The following P2RY6 variants were observed in gnomAD, a reference collection of about 807,000 sequenced individuals.
P2RY6 encodes the protein P2Y purinoceptor 6.
Under a neutral mutation model 16.3 loss-of-function variants are expected in P2RY6, and 19 were observed. The observed-to-expected ratio is 1.16, with a 90% confidence interval of 0.81 to 1.71. The LOEUF (loss-of-function observed/expected upper bound fraction) is 1.71. P2RY6 is among the 40% of genes most tolerant of loss of function. The pLI is 0.00. For missense variants in P2RY6, 389 were observed against 455.5 expected, an observed-to-expected ratio of 0.85 and a Z score of 1.33; for synonymous variants, 184 against 201.5, an observed-to-expected ratio of 0.91 and a Z score of 0.74.
chr11:73,282,777 G>A (rs1049830207), intron 1 of P2RY6, among the ~76,000 whole-genome samples: 2 of 152,144 alleles, frequency 1.3e-5, no homozygotes, highest in Non-Finnish European at 2.9e-5. Context: ...AGGAGGGAGG[G>A]AGGGAGGAAG....
chr11:73,296,475 G>A lies in P2RY6; in HGVS notation c.-34-10G>A. ...GCATGTCACTGACAGGCTGTGTATT[G>A]CTTTCCCAGCCTCCCTGAACATAGG... On this transcript the variant is annotated splice_polypyrimidine_tract_variant and intron_variant, in intron 2 of 2. Coordinates refer to ENST00000540124, the MANE Select transcript of P2RY6 (RefSeq NM_001277204.2). 6.3e-7 allele frequency: 1 copy of A among 1,596,662 alleles called. No individual in the cohort carries two copies. Among genetic ancestry groups the A allele is most frequent in the Non-Finnish European group, 8.6e-7 (1 of 1,168,582 alleles).
At chr11:73,266,567 G>T (rs1402476826) in intron 1 of P2RY6, among the ~76,000 whole-genome samples, 1 of 152,120 alleles carries the variant, frequency 6.6e-6, no homozygotes, top group African/African-American at 2.4e-5. Flanking sequence ...GAGGCTCCCC[G>T]CAGGCTGAGC....
Position 73,282,760 on chromosome 11 carries a change from T to C in P2RY6, c.-121+10294T>C, listed in dbSNP as rs573401057. On this transcript the variant is annotated intron_variant, in intron 1 of 2. Transcript: ENST00000540124. The stretch of plus-strand genomic sequence containing the variant: ...TGTAAATGCACGGCAAATGAATGAA[T>C]GAATGGAGGAGGGAGGGAGGGAGGA... 6.6e-5 allele frequency among the ~76,000 whole-genome samples: 10 copies of C among 151,712 alleles called. No individual in the cohort carries two copies. The South Asian group carries it at 1.5e-3, about 22-fold the overall frequency.
Position 73,296,697 on chromosome 11 carries a change from G to T in P2RY6, c.179G>T (p.Arg60Leu), listed in dbSNP as rs776237114. The change falls in exon 3 of 3, where the codon CGC becomes CTC. Residue 60 changes from arginine to leucine, a missense_variant. Physicochemically the swap from Arg to Leu is moderately radical, Grantham distance 102. Transcript: ENST00000540124. ...QICTSRRALT[R>L]TAVYTLNLAL... The stretch of plus-strand genomic sequence containing the variant: ...TGCACGTCCCGCCGGGCCCTGACCC[G>T]CACGGCCGTGTACACCCTAAACCTT... 159 of 1,613,726 alleles carry T rather than the reference G, an allele frequency of 9.9e-5. No individual in the cohort carries two copies. Among genetic ancestry groups the T allele is most frequent in the Non-Finnish European group, 1.3e-4 (156 of 1,179,976 alleles).
intron 1 of P2RY6, among the ~76,000 whole-genome samples, chr11:73,290,587 C>G (rs1246942109): frequency 1.3e-5 from 2 of 152,160 alleles, no homozygotes; most frequent in African/African-American, 4.8e-5. Flanking sequence ...TTATTTATTT[C>G]TCACAGAGGT....
At chr11:73,281,623 C>T (rs1335432943) in intron 1 of P2RY6, among the ~76,000 whole-genome samples, 2 of 152,230 alleles carry the variant, frequency 1.3e-5, no homozygotes, top group Non-Finnish European at 2.9e-5. Flanking sequence ...TAGAACTCCA[C>T]CCCTCACCAG....
At chr11:73,271,698 G>C (rs902456568), upstream of P2RY6, 1 of 152,438 alleles carries the variant, frequency 6.6e-6, no homozygotes, top group Non-Finnish European at 1.5e-5. Flanking sequence ...TTCGGGTCTG[G>C]TTCCTTGGTT....
chr11:73,296,492 G>C lies in P2RY6; in HGVS notation c.-27G>C. 1 of 1,607,314 alleles carries C rather than the reference G, an allele frequency of 6.2e-7. No homozygotes were observed. Among genetic ancestry groups the C allele is most frequent in the South Asian group, 1.1e-5 (1 of 90,782 alleles). ...TGTGTATTGCTTTCCCAGCCTCCCT[G>C]AACATAGGAAACCCACCTGGGCAGC... On this transcript the variant is annotated 5_prime_UTR_variant, in exon 3 of 3. It removes the in-frame stop codon of an upstream open reading frame in the 5' UTR. Transcript: ENST00000540124.
At chr11:73,296,223 G>GAAAAA (rs142793721) in intron 2 of P2RY6, among the ~76,000 whole-genome samples, 30 of 121,438 alleles carry the variant, frequency 2.5e-4, no homozygotes, top group African/African-American at 7.1e-4. Context: ...AAGGCTGAAG[G>GAAAAA]AAAAAAAAAA....
intron 1 of P2RY6, among the ~76,000 whole-genome samples, chr11:73,292,511 A>G (rs533641595): frequency 6.6e-4 from 100 of 152,342 alleles, no homozygotes; most frequent in African/African-American, 2.2e-3. Context: ...TACCCATTTG[A>G]CAACTGAGAA....
At chr11:73,281,703 G>C (rs1265767771) in intron 1 of P2RY6, among the ~76,000 whole-genome samples, 6 of 152,212 alleles carry the variant, frequency 3.9e-5, no homozygotes, top group South Asian at 2.1e-4. Context: ...CAGGTACTCT[G>C]TCTCCCACAG....
chr11:73,282,547 T>C (rs1863806044), intron 1 of P2RY6, among the ~76,000 whole-genome samples: 1 of 152,112 alleles, frequency 6.6e-6, no homozygotes, highest in East Asian at 1.9e-4. Context: ...GCACCTGCCT[T>C]TTTCTTTCCA....
intron 1 of P2RY6, among the ~76,000 whole-genome samples, chr11:73,283,677 C>T (rs1198487356): frequency 2.6e-5 from 4 of 152,180 alleles, no homozygotes; most frequent in Admixed American, 6.5e-5. Flanking sequence ...CTGCTCTTCC[C>T]GGAGCTGGGC....
intron 1 of P2RY6, among the ~76,000 whole-genome samples, chr11:73,290,281 GGAAAGAAA>G (rs138315853): frequency 6.1e-5 from 8 of 131,076 alleles, no homozygotes; most frequent in African/African-American, 1.5e-4. Flanking sequence ...AAGAAAGGAA[GGAAAGAAA>G]GAAAGAAAGA....
At chr11:73,273,701 C>T (rs953970985) in intron 1 of P2RY6, among the ~76,000 whole-genome samples, 1 of 152,190 alleles carries the variant, frequency 6.6e-6, no homozygotes, top group Non-Finnish European at 1.5e-5. Context: ...ACCTGACTGC[C>T]GGGAGCTCCC....
At chr11:73,293,250 G>A (rs901039088) in intron 1 of P2RY6, among the ~76,000 whole-genome samples, 3 of 152,208 alleles carry the variant, frequency 2.0e-5, no homozygotes, top group Non-Finnish European at 4.4e-5. Context: ...CACTGGCTGT[G>A]TGGGAGTCTC....
At chr11:73,288,180 G>A (rs1864043921) in intron 1 of P2RY6, among the ~76,000 whole-genome samples, 1 of 152,240 alleles carries the variant, frequency 6.6e-6, no homozygotes, top group East Asian at 1.9e-4. Context: ...TGCATCGTTA[G>A]TGCTCAATGA....
At chr11:73,280,754 A>G (rs978814462) in intron 1 of P2RY6, among the ~76,000 whole-genome samples, 1 of 152,218 alleles carries the variant, frequency 6.6e-6, no homozygotes, top group Non-Finnish European at 1.5e-5. Context: ...GGGGCAAAAG[A>G]AGAGCAGGAA....
chr11:73,296,440 T>C, intron 2 of P2RY6, 45 bp from the exon 3 acceptor site: 1 of 1,535,460 alleles, frequency 6.5e-7, no homozygotes, highest in Non-Finnish European at 8.9e-7. Context: ...GCCTGCTGGG[T>C]GGTGAGTGAG....
Sources: gnomAD v4.1 joint callset for allele counts (sites outside exome capture counted in the v4.1 genomes callset) on GRCh38, gnomAD v4.1.1 for gene constraint, MANE v1.5 for transcripts, NCBI Gene and HGNC (gene_info 2026-07-23, HGNC 2026-07-21) for gene names.